Variants in PDE4D observed in about 807,000 individuals in gnomAD.
PDE4D encodes the protein phosphodiesterase 4D.
In PDE4D, 24 loss-of-function variants were observed where a neutral mutation model predicts 87.4. The observed-to-expected ratio is 0.27, with a 90% CI of 0.20 to 0.39. PDE4D has a LOEUF of 0.39. PDE4D is among the 10% of genes least tolerant of loss of function. The pLI is 1.00. For missense variants in PDE4D, 714 were observed against 1,041.0 expected (o/e 0.69, Z 4.32); for synonymous variants, 384 against 383.2 (o/e 1.00, Z -0.02).
intron 1 of PDE4D, among the ~76,000 whole-genome samples, chr5:59,654,004 A>C (rs1283326012): frequency 6.6e-6 from 1 of 152,036 alleles, no homozygotes; most frequent in East Asian, 1.9e-4. Flanking sequence ...CCAGGAGTTC[A>C]AGCCCAGCCT....
intron 1 of PDE4D, among the ~76,000 whole-genome samples, chr5:59,581,299 C>T (rs970018238): frequency 4.6e-5 from 7 of 152,042 alleles, no homozygotes; most frequent in African/African-American, 1.7e-4. Context: ...CTTTGCATCT[C>T]AGAATTTGAA....
chr5:59,513,339 T>C (rs1277958145), intron 1 of PDE4D, among the ~76,000 whole-genome samples: 4 of 152,170 alleles, frequency 2.6e-5, no homozygotes, highest in African/African-American at 9.7e-5. Context: ...TCAAGAATGA[T>C]ATTGACAAAA....
chr5:59,055,432 T>C (rs933107040), intron 5 of PDE4D, among the ~76,000 whole-genome samples: 1 of 152,194 alleles, frequency 6.6e-6, no homozygotes, highest in Admixed American at 6.5e-5. Flanking sequence ...AAAATCTACC[T>C]CCTTAGACTT....
intron 1 of PDE4D, among the ~76,000 whole-genome samples, chr5:59,537,245 C>A (rs1248927019): frequency 2.6e-5 from 4 of 152,182 alleles, no homozygotes; most frequent in African/African-American, 9.7e-5. Flanking sequence ...TCTTAACTGT[C>A]TGCCTGTAGT....
At chr5:59,868,165 T>TG in intron 1 of PDE4D, among the ~76,000 whole-genome samples, 1 of 152,258 alleles carries the variant, frequency 6.6e-6, no homozygotes, top group East Asian at 1.9e-4. Context: ...TAAAAATTAT[T>TG]GAAGACTCAC....
intron 5 of PDE4D, among the ~76,000 whole-genome samples, chr5:59,153,838 G>A (rs1157634542): frequency 1.3e-5 from 2 of 152,034 alleles, no homozygotes; most frequent in Non-Finnish European, 2.9e-5. Flanking sequence ...TATGCTAGAG[G>A]TAGGTTTGGG....
intron 1 of PDE4D, chr5:60,431,131 A>G (rs37688): frequency 0.35 from 68,721 of 195,636 alleles, 12,744 homozygotes; most frequent in South Asian, 0.5. Flanking sequence ...GGGCAGAGGC[A>G]CCCCTCCCTC....
intron 1 of PDE4D, among the ~76,000 whole-genome samples, chr5:60,497,382 T>G (rs1749862024): frequency 6.6e-6 from 1 of 152,064 alleles, no homozygotes; most frequent in Admixed American, 6.6e-5. Flanking sequence ...TTGCAATTCT[T>G]TTTTGTCTTT....
intron 1 of PDE4D, among the ~76,000 whole-genome samples, chr5:60,287,250 A>G (rs1310022686): frequency 1.3e-5 from 2 of 152,214 alleles, no homozygotes; most frequent in Non-Finnish European, 2.9e-5. Context: ...TTCAGCACAA[A>G]GCAGTGTATA....
At chr5:59,198,580 C>T (rs1038084592) in intron 2 of PDE4D, among the ~76,000 whole-genome samples, 7 of 152,296 alleles carry the variant, frequency 4.6e-5, no homozygotes, top group East Asian at 3.9e-4. Flanking sequence ...CTAGTCCTGG[C>T]GAGCCTTGTC....
At chr5:59,647,877 C>T (rs1209666269) in intron 1 of PDE4D, among the ~76,000 whole-genome samples, 1 of 151,954 alleles carries the variant, frequency 6.6e-6, no homozygotes, top group African/African-American at 2.4e-5. Context: ...TATATCTTTG[C>T]AGGAAAAGGT....
At chr5:59,361,307 A>G (rs1484893903) in intron 1 of PDE4D, among the ~76,000 whole-genome samples, 1 of 152,174 alleles carries the variant, frequency 6.6e-6, no homozygotes, top group Non-Finnish European at 1.5e-5. Context: ...TCTAGACTCA[A>G]ATTCTTTAAA....
At chr5:59,966,353 G>A (rs758911612) in intron 3 of PDE4D, among the ~76,000 whole-genome samples, 35 of 152,164 alleles carry the variant, frequency 2.3e-4, no homozygotes, top group Non-Finnish European at 3.8e-4. Context: ...AGGGGAAAAT[G>A]TAGATTCTTA....
intron 3 of PDE4D, among the ~76,000 whole-genome samples, chr5:59,902,448 T>C (rs1581669730): frequency 1.3e-5 from 2 of 152,138 alleles, no homozygotes; most frequent in Admixed American, 6.6e-5. Flanking sequence ...TACATACATA[T>C]ATGATTTTTT....
At chr5:59,799,268 T>A (rs1766848311) in intron 1 of PDE4D, among the ~76,000 whole-genome samples, 1 of 152,214 alleles carries the variant, frequency 6.6e-6, no homozygotes, top group African/African-American at 2.4e-5. Context: ...ATCTTGGAGT[T>A]AACTGCAGAG....
At chr5:59,422,207 AT>A (rs1425545832) in intron 1 of PDE4D, among the ~76,000 whole-genome samples, 1 of 152,116 alleles carries the variant, frequency 6.6e-6, no homozygotes, top group African/African-American at 2.4e-5. Flanking sequence ...ATCTTTTCAA[AT>A]TCAATGCACA....
intron 1 of PDE4D, among the ~76,000 whole-genome samples, chr5:59,720,776 G>A (rs990960792): frequency 2.0e-5 from 3 of 152,188 alleles, no homozygotes; most frequent in Non-Finnish European, 4.4e-5. Flanking sequence ...GCCAAGTGCT[G>A]AAGAAAGTTC....
At chr5:59,705,371 C>G (rs1287219872) in intron 1 of PDE4D, among the ~76,000 whole-genome samples, 1 of 152,036 alleles carries the variant, frequency 6.6e-6, no homozygotes, top group Non-Finnish European at 1.5e-5. Context: ...AGACACAAAC[C>G]CAGCAGGAAG....
At chr5:60,415,838 C>T (rs909716818) in intron 1 of PDE4D, among the ~76,000 whole-genome samples, 9 of 152,228 alleles carry the variant, frequency 5.9e-5, no homozygotes, top group Admixed American at 2.6e-4. Context: ...CTCCACCTGC[C>T]GCCCGGTGCG....
Sources: gnomAD v4.1 joint callset for allele counts (sites outside exome capture counted in the v4.1 genomes callset) on GRCh38, gnomAD v4.1.1 for gene constraint, MANE v1.5 for transcripts, NCBI Gene and HGNC (gene_info 2026-07-23, HGNC 2026-07-21) for gene names.